NCOR2: variants seen among roughly 807,000 people sequenced by gnomAD.
NCOR2 encodes the protein nuclear receptor corepressor 2, also known as CTG repeat protein 26.
NCOR2 carries 81 observed loss-of-function variants against 262.9 expected under a neutral mutation model. The observed-to-expected ratio is 0.31, with a 90% CI of 0.26 to 0.37. The LOEUF (loss-of-function observed/expected upper bound fraction) is 0.37, where lower values mean the gene tolerates loss of function less well. NCOR2 is among the 10% of genes least tolerant of loss of function. The probability of loss-of-function intolerance (pLI) is 1.00; values close to 1 mark genes in which losing one functional copy is unlikely to be tolerated. For missense variants in NCOR2, 3,385 were observed against 3,621.4 expected, an observed-to-expected ratio of 0.93 and a Z score of 1.68; for synonymous variants, 1,659 against 1,559.3, an observed-to-expected ratio of 1.06 and a Z score of -1.51.
At chr12:124,424,076 G>C (rs564249516) in intron 11 of NCOR2, among the ~76,000 whole-genome samples, 1 of 152,342 alleles carries the variant, frequency 6.6e-6, no homozygotes, top group African/African-American at 2.4e-5. Context: ...CGGGCCGGCA[G>C]ATAGCAGCCC....
At position 124,476,572 on chromosome 12, in the gene NCOR2, C is replaced by T. The variant is rs530546086; in HGVS notation, c.412-3441G>A. ...GCAACATTAACAAAAAGAAGATTTC[C>T]ATCCCCAGGGCTAACAGGCAGCACC... On this transcript the variant is annotated intron_variant, in intron 3 of 46. Coordinates refer to ENST00000405201, the Ensembl canonical transcript of NCOR2. Among the ~76,000 whole-genome samples the T allele has an allele frequency of 5.3e-5, 8 of 152,282 alleles. No individual in the cohort carries two copies. The South Asian group carries it at 1.7e-3, about 32-fold the overall frequency.
In NCOR2 at chr12:124,402,312, C is replaced by T. The variant is rs945858511; in HGVS notation, c.1640+92G>A. 9.6e-6 allele frequency: 15 copies of T among 1,566,362 alleles called. No homozygotes were observed. The Admixed American group carries it at 2.4e-4, about 25-fold the overall frequency. ...CTGCTCACAGGCAATTGGTGGGCAC[C>T]CCACCCGTCTCTACAAAGGGTCCCC... On this transcript the variant is annotated intron_variant, in intron 14 of 46. Transcript: ENST00000405201.
chr12:124,402,085 G>C (rs1000249295), intron 14 of NCOR2, among the ~76,000 whole-genome samples: 2 of 152,210 alleles, frequency 1.3e-5, no homozygotes, highest in African/African-American at 4.8e-5. Flanking sequence ...AAGCAGGGAG[G>C]CAGAGAGTTC....
In NCOR2 at chr12:124,482,192, G is replaced by A. The variant is rs1593758415; in HGVS notation, c.411+1404C>T. On this transcript the variant is annotated intron_variant, in intron 3 of 46. Coordinates refer to ENST00000405201, the Ensembl canonical transcript of NCOR2. The surrounding 1 kb of genome is among the most constrained non-coding windows in gnomAD (Gnocchi z 6.3). ...GTGACAACTTGGTGAGGCGGGGACT[G>A]CCCCAGTGGCAGGGAGGCCAAGCCA... Among the ~76,000 whole-genome samples the A allele has an allele frequency of 6.6e-6, 1 of 152,138 alleles. No homozygotes were observed. The highest frequency in any genetic ancestry group is 2.1e-4 in the South Asian group (1 of 4,834).
At position 124,549,316 on chromosome 12, in the gene NCOR2, A is replaced by G. The variant is rs2051638483; in HGVS notation, c.-164-13705T>C. ...CCGCGGCTGGAGGATAAAATCCCAC[A>G]CTCCCCGCTTGGCCGGGTGGCCCAC... On this transcript the variant is annotated intron_variant, in intron 1 of 32. Transcript: ENST00000458234. The surrounding 1 kb of genome is among the most constrained non-coding windows in gnomAD (Gnocchi z 4.4). 6.6e-6 allele frequency among the ~76,000 whole-genome samples: 1 copy of G among 151,422 alleles called. No homozygotes were observed. The highest frequency in any genetic ancestry group is 1.5e-5 in the Non-Finnish European group (1 of 67,878).
At chr12:124,372,315 C>T (rs759572335) in exon 20 of NCOR2, 2 of 1,528,966 alleles carry the variant, frequency 1.3e-6, no homozygotes, top group Non-Finnish European at 1.8e-6. Flanking sequence ...CCTCCCCCTC[C>T]TCCACTGGGG....
chr12:124,438,134 T>C (rs1452475839), intron 7 of NCOR2, 138 bp from the exon 10 acceptor site: 2 of 759,498 alleles, frequency 2.6e-6, no homozygotes, highest in East Asian at 2.7e-5. Flanking sequence ...ACCCGTGCTG[T>C]ATCCCCAGAG....
chr12:124,553,626 G>A (rs2051786062), intron 1 of NCOR2, among the ~76,000 whole-genome samples: 1 of 152,222 alleles, frequency 6.6e-6, no homozygotes, highest in Admixed American at 6.5e-5. Flanking sequence ...ATCAGACAGA[G>A]CCCTGTGGCC....
At chr12:124,335,803 A>G in intron 38 of NCOR2, 171 bp from the exon 41 acceptor site, 1 of 693,432 alleles carries the variant, frequency 1.4e-6, no homozygotes. Context: ...TGTTGGGGAG[A>G]GACAGGGAGG....
intron 20 of NCOR2, among the ~76,000 whole-genome samples, chr12:124,364,085 C>T (rs999672263): frequency 1.3e-5 from 2 of 152,186 alleles, no homozygotes; most frequent in African/African-American, 2.4e-5. Flanking sequence ...AAGCCAGCCT[C>T]CCACCCCAGC....
intron 17 of NCOR2, among the ~76,000 whole-genome samples, chr12:124,382,827 C>A (rs763690100): frequency 6.6e-6 from 1 of 152,238 alleles, no homozygotes; most frequent in Non-Finnish European, 1.5e-5. Context: ...AGGCACCACC[C>A]TTTACAAAAA....
At chr12:124,335,658 C>T (rs760936765) in intron 38 of NCOR2, 26 bp from the exon 41 acceptor site, 3 of 1,578,696 alleles carry the variant, frequency 1.9e-6, no homozygotes, top group Non-Finnish European at 2.6e-6. Flanking sequence ...GGTGCAGAGT[C>T]AGGCACCGGG....
At chr12:124,406,952 T>C (rs1216890011) in intron 13 of NCOR2, among the ~76,000 whole-genome samples, 2 of 152,230 alleles carry the variant, frequency 1.3e-5, no homozygotes, top group African/African-American at 4.8e-5. Flanking sequence ...CTACCTGTTA[T>C]TTGAATCCTC....
intron 1 of NCOR2, among the ~76,000 whole-genome samples, chr12:124,559,118 C>G (rs926614462): frequency 2.0e-5 from 3 of 152,304 alleles, no homozygotes; most frequent in Admixed American, 1.3e-4. Context: ...ACTGGTCACC[C>G]GGGTCTGGTC....
chr12:124,333,901 C>CAT (rs1555299264), intron 41 of NCOR2, among the ~76,000 whole-genome samples: 1 of 140,384 alleles, frequency 7.1e-6, no homozygotes, highest in East Asian at 2.1e-4. Context: ...TGTGTGCGCG[C>CAT]GCATGTGTGC....
At chr12:124,429,757 A>G in intron 9 of NCOR2, 51 bp from the exon 12 acceptor site, 1 of 1,498,758 alleles carries the variant, frequency 6.7e-7, no homozygotes, top group Non-Finnish European at 9.1e-7. Context: ...GGTCGGGGAC[A>G]CTAGCAGACC....
intron 20 of NCOR2, among the ~76,000 whole-genome samples, chr12:124,370,093 G>T (rs530572035): frequency 6.6e-6 from 1 of 152,320 alleles, no homozygotes; most frequent in East Asian, 1.9e-4. Context: ...GCGGGGAGCC[G>T]TCTGCCCTGA....
intron 1 of NCOR2, among the ~76,000 whole-genome samples, chr12:124,567,014 C>T (rs750320411): frequency 6.6e-6 from 1 of 152,174 alleles, no homozygotes; most frequent in Non-Finnish European, 1.5e-5. Context: ...TGTGGGGGGC[C>T]GCTCTGTGCA....
chr12:124,446,699 T>TA (rs778864240), intron 7 of NCOR2, among the ~76,000 whole-genome samples: 2 of 152,146 alleles, frequency 1.3e-5, no homozygotes, highest in Non-Finnish European at 2.9e-5. Flanking sequence ...ATAGAATTTT[T>TA]AAAAAATGAA....
Sources: gnomAD v4.1 joint callset for allele counts (sites outside exome capture counted in the v4.1 genomes callset) on GRCh38, gnomAD v4.1.1 for gene constraint, Gnocchi (gnomAD v3.1) non-coding constraint, MANE v1.5 for transcripts, NCBI Gene and HGNC (gene_info 2026-07-23, HGNC 2026-07-21) for gene names.